Variants in NRXN3 observed in about 807,000 individuals in gnomAD.
NRXN3 encodes the protein neurexin III.
A neutral mutation model predicts 137.6 loss-of-function variants in NRXN3; 32 were observed. The ratio of observed to expected loss-of-function variants is 0.23; its 90% CI spans 0.18 to 0.31. The LOEUF is 0.31. NRXN3 is among the 10% of genes least tolerant of loss of function. The pLI, the probability that NRXN3 is intolerant of heterozygous loss-of-function variation, is 1.00. For synonymous variants in NRXN3, 798 were observed against 784.5 expected, an observed-to-expected ratio of 1.02 and a Z score of -0.29; for missense variants, 1,574 against 2,062.5, an observed-to-expected ratio of 0.76 and a Z score of 4.59.
intron 14 of NRXN3, among the ~76,000 whole-genome samples, chr14:78,976,434 T>A (rs1239403329): frequency 2.6e-5 from 4 of 152,174 alleles, no homozygotes; most frequent in Non-Finnish European, 4.4e-5. Context: ...TGGGTTCAGA[T>A]GCCTTGGAAA....
At chr14:78,197,175 A>G (rs1328329938) in intron 1 of NRXN3, among the ~76,000 whole-genome samples, 1 of 152,222 alleles carries the variant, frequency 6.6e-6, no homozygotes. Context: ...CAGCATATAA[A>G]TTATCCAGCA....
chr14:79,636,003 GT>G (rs1262192084), intron 16 of NRXN3, among the ~76,000 whole-genome samples: 1 of 152,002 alleles, frequency 6.6e-6, no homozygotes, highest in Admixed American at 6.6e-5. Flanking sequence ...CCCATGACAT[GT>G]AGGGATTATG....
chr14:78,949,601 TTTA>T lies in NRXN3; in HGVS notation c.2276-7640_2276-7638del, dbSNP rs749254718. ...AAGGGCATAGAAGTGAATTTTTTTT[TTTA>T]AAAAAAAACTACAATACAAGGAATA... On this transcript the variant is annotated intron_variant, in intron 10 of 20. Coordinates refer to ENST00000335750, the MANE Select transcript of NRXN3 (RefSeq NM_001330195.2). 2.6e-3 allele frequency among the ~76,000 whole-genome samples: 350 copies of T among 134,666 alleles called. 1 individual carries two copies. The highest frequency in any genetic ancestry group is 8.6e-3 in the African/African-American group (247 of 28,700). The allele number at this position is 134,666 out of a possible 152,430, so 88.3% of individuals were successfully genotyped here.
chr14:79,699,189 C>T (rs564231521), intron 19 of NRXN3, among the ~76,000 whole-genome samples: 12 of 151,866 alleles, frequency 7.9e-5, no homozygotes, highest in Admixed American at 3.9e-4. Flanking sequence ...CACATGCTCA[C>T]GAGAAAAAAA....
intron 15 of NRXN3, among the ~76,000 whole-genome samples, chr14:79,152,130 C>T (rs965671032): frequency 1.3e-5 from 2 of 151,928 alleles, no homozygotes; most frequent in Non-Finnish European, 2.9e-5. Flanking sequence ...CTACAGACAC[C>T]GTGCTGTTTC....
intron 6 of NRXN3, among the ~76,000 whole-genome samples, chr14:78,653,014 A>G (rs955285063): frequency 3.3e-5 from 5 of 152,240 alleles, no homozygotes; most frequent in African/African-American, 1.2e-4. Flanking sequence ...CATTTGAGGC[A>G]GTCCTTGTTG....
intron 19 of NRXN3, among the ~76,000 whole-genome samples, chr14:79,700,148 AC>A (rs2098749612): frequency 6.6e-6 from 1 of 152,006 alleles, no homozygotes; most frequent in Non-Finnish European, 1.5e-5. Context: ...AGGACTGGGG[AC>A]CCAACAACTA....
At chr14:78,597,128 C>A (rs548908320) in intron 4 of NRXN3, among the ~76,000 whole-genome samples, 1 of 152,274 alleles carries the variant, frequency 6.6e-6, no homozygotes, top group African/African-American at 2.4e-5. Flanking sequence ...CTGATCCAGG[C>A]CAGCATACTG....
chr14:79,067,864 T>A (rs2099682721), intron 15 of NRXN3, among the ~76,000 whole-genome samples: 1 of 152,050 alleles, frequency 6.6e-6, no homozygotes, highest in Non-Finnish European at 1.5e-5. Context: ...AGGACTTAAT[T>A]TGACCCTTAA....
At chr14:78,515,683 G>A (rs898456813) in intron 4 of NRXN3, among the ~76,000 whole-genome samples, 2 of 152,112 alleles carry the variant, frequency 1.3e-5, no homozygotes, top group African/African-American at 2.4e-5. Flanking sequence ...CAGGCAGATA[G>A]GGGATGTGCC....
intron 15 of NRXN3, among the ~76,000 whole-genome samples, chr14:79,445,503 A>C: frequency 6.6e-6 from 1 of 152,210 alleles, no homozygotes; most frequent in East Asian, 1.9e-4. Flanking sequence ...GAGATTGAAG[A>C]GATGAGGCAA....
At chr14:79,727,841 A>C (rs952465725) in intron 19 of NRXN3, among the ~76,000 whole-genome samples, 1 of 152,168 alleles carries the variant, frequency 6.6e-6, no homozygotes, top group African/African-American at 2.4e-5. Context: ...TTTTAGAAGG[A>C]AATACCAGGT....
chr14:79,063,083 G>A (rs1485934587), intron 15 of NRXN3, among the ~76,000 whole-genome samples: 4 of 152,288 alleles, frequency 2.6e-5, no homozygotes, highest in African/African-American at 9.6e-5. Flanking sequence ...GTGTTCAACT[G>A]TGGACATACA....
chr14:79,082,620 G>T (rs1257289219), intron 15 of NRXN3, among the ~76,000 whole-genome samples: 1 of 152,098 alleles, frequency 6.6e-6, no homozygotes, highest in Non-Finnish European at 1.5e-5. Flanking sequence ...GCCAAGAGAT[G>T]TTAAATGGCT....
At chr14:79,178,312 A>G (rs1291996570) in intron 15 of NRXN3, among the ~76,000 whole-genome samples, 2 of 152,242 alleles carry the variant, frequency 1.3e-5, no homozygotes, top group African/African-American at 4.8e-5. Flanking sequence ...AGCTCATTTT[A>G]TAAACCTTAA....
chr14:79,550,541 C>T lies in NRXN3; in HGVS notation c.3444+83139C>T, dbSNP rs77591043. Among the ~76,000 whole-genome samples, 18 of 152,276 alleles carry T rather than the reference C, an allele frequency of 1.2e-4. No individual in the cohort carries two copies. The East Asian group carries it at 3.5e-3, about 29-fold the overall frequency. On this transcript the variant is annotated intron_variant, in intron 16 of 20. Transcript: ENST00000335750. ...TTCAACACTGAATGCAACAGTGACA[C>T]TTGACAAATATTTTTCAAACACATT...
At chr14:78,457,049 C>T (rs1404405007) in intron 4 of NRXN3, among the ~76,000 whole-genome samples, 4 of 148,420 alleles carry the variant, frequency 2.7e-5, no homozygotes, top group African/African-American at 7.5e-5. Context: ...CTCTCCCCCG[C>T]CACCTCCTCT....
intron 15 of NRXN3, among the ~76,000 whole-genome samples, chr14:79,147,203 C>T (rs565974012): frequency 6.6e-6 from 1 of 152,310 alleles, no homozygotes; most frequent in South Asian, 2.1e-4. Context: ...CTGCTGTGTG[C>T]AGAAGCCAGC....
intron 15 of NRXN3, among the ~76,000 whole-genome samples, chr14:79,293,298 G>A (rs959616958): frequency 2.0e-5 from 3 of 152,148 alleles, no homozygotes; most frequent in Non-Finnish European, 4.4e-5. Flanking sequence ...GAATGATCAT[G>A]CCCCTAAAAT....
Sources: allele counts gnomAD v4.1 joint callset (sites outside exome capture counted in the v4.1 genomes callset), GRCh38; gene constraint gnomAD v4.1.1; transcripts MANE v1.5; gene names NCBI Gene and HGNC (gene_info 2026-07-23, HGNC 2026-07-21).